The following BNC2 variants were observed in gnomAD, a reference collection of about 807,000 sequenced individuals.
The protein encoded by BNC2 is basonuclin zinc finger protein 2.
BNC2 carries 20 observed loss-of-function variants against 76.3 expected under a neutral mutation model. That is an observed-to-expected ratio of 0.26 (90% confidence interval 0.18 to 0.38). The LOEUF (loss-of-function observed/expected upper bound fraction) is 0.38. Among genes scored for constraint, BNC2 ranks in the 10% least tolerant of loss-of-function variants. The pLI is 1.00. For synonymous variants in BNC2, 582 were observed against 514.8 expected (o/e 1.13, Z -1.77); for missense variants, 1,382 against 1,399.8 (o/e 0.99, Z 0.20).
chr9:16,488,729 C>T (rs993533428), intron 5 of BNC2, among the ~76,000 whole-genome samples: 1 of 152,076 alleles, frequency 6.6e-6, no homozygotes, highest in African/African-American at 2.4e-5. Context: ...ATTCAGTTTG[C>T]CTGTCACTAG....
intron 1 of BNC2, among the ~76,000 whole-genome samples, chr9:16,743,804 A>G (rs1280401229): frequency 6.6e-6 from 1 of 152,216 alleles, no homozygotes; most frequent in Admixed American, 6.5e-5. Flanking sequence ...ATTCCATACC[A>G]AGTGAGTAAA....
intron 5 of BNC2, among the ~76,000 whole-genome samples, chr9:16,513,812 C>T (rs1822815823): frequency 6.6e-6 from 1 of 152,102 alleles, no homozygotes; most frequent in African/African-American, 2.4e-5. Flanking sequence ...ATTAGAGCTA[C>T]AGGTGAAATA....
At chr9:16,601,383 T>C (rs1364851192) in intron 3 of BNC2, among the ~76,000 whole-genome samples, 1 of 152,192 alleles carries the variant, frequency 6.6e-6, no homozygotes, top group Non-Finnish European at 1.5e-5. Flanking sequence ...GGCAGGGAAC[T>C]GTGCTGAGAT....
intron 5 of BNC2, among the ~76,000 whole-genome samples, chr9:16,518,683 C>T (rs1817518435): frequency 2.6e-5 from 4 of 152,076 alleles, no homozygotes; most frequent in African/African-American, 7.2e-5. Flanking sequence ...TCACTGCAAC[C>T]TCTGTCTCCC....
chr9:16,781,541 T>C (rs1586879524), intron 1 of BNC2, among the ~76,000 whole-genome samples: 1 of 152,238 alleles, frequency 6.6e-6, no homozygotes, highest in East Asian at 1.9e-4. Context: ...CGGGGTTTCG[T>C]TGTGTTGCCC....
intron 5 of BNC2, among the ~76,000 whole-genome samples, chr9:16,499,759 G>C (rs1218871380): frequency 6.6e-6 from 1 of 151,856 alleles, no homozygotes; most frequent in Non-Finnish European, 1.5e-5. Flanking sequence ...TTGAACTCCT[G>C]ACCTCAAGTG....
chr9:16,479,061 G>A (rs1210769833), intron 5 of BNC2, among the ~76,000 whole-genome samples: 2 of 152,108 alleles, frequency 1.3e-5, no homozygotes, highest in Non-Finnish European at 2.9e-5. Flanking sequence ...AGACCAGCCT[G>A]GTCAACATGG....
chr9:16,841,163 T>G (rs543572238), intron 1 of BNC2, among the ~76,000 whole-genome samples: 1 of 152,292 alleles, frequency 6.6e-6, no homozygotes, highest in East Asian at 1.9e-4. Flanking sequence ...CTGAAAGATA[T>G]CCACCGTTTT....
chr9:16,784,395 G>A (rs1052208858), intron 1 of BNC2, among the ~76,000 whole-genome samples: 3 of 152,108 alleles, frequency 2.0e-5, no homozygotes, highest in Admixed American at 6.6e-5. Flanking sequence ...AGTTTGGAGC[G>A]CTATACAAAT....
In BNC2 at chr9:16,613,017, C is replaced by T. The variant is rs1050076513; in HGVS notation, c.331-29932G>A. Among the ~76,000 whole-genome samples, 7 of 152,060 alleles carry T rather than the reference C, an allele frequency of 4.6e-5. No homozygotes were observed. The South Asian group carries it at 1.2e-3, about 27-fold the overall frequency. ...AGATGGACAAGTACTGCCAATGGTA[C>T]GGAGGTAAAGCAGCATGGGGCTTGT... is the stretch of plus-strand genomic sequence containing the variant. On this transcript the variant is annotated intron_variant, in intron 3 of 6. Coordinates refer to ENST00000380672, the MANE Select transcript of BNC2 (RefSeq NM_017637.6).
chr9:16,779,449 T>C (rs892591581), intron 1 of BNC2, among the ~76,000 whole-genome samples: 3 of 152,172 alleles, frequency 2.0e-5, no homozygotes, highest in Non-Finnish European at 2.9e-5. Context: ...ATAAGCTTAA[T>C]TCTAAACATA....
chr9:16,498,805 A>C (rs1385516079), intron 5 of BNC2, among the ~76,000 whole-genome samples: 1 of 152,152 alleles, frequency 6.6e-6, no homozygotes, highest in Non-Finnish European at 1.5e-5. Context: ...CCTGGATTCC[A>C]GGTCCAGCTC....
At chr9:16,596,287 G>T (rs1203297898) in intron 3 of BNC2, among the ~76,000 whole-genome samples, 1 of 152,054 alleles carries the variant, frequency 6.6e-6, no homozygotes, top group East Asian at 1.9e-4. Context: ...TATATTTTCT[G>T]AAGGAAAGCT....
At chr9:16,451,502 C>T (rs1383300426) in intron 5 of BNC2, among the ~76,000 whole-genome samples, 2 of 152,144 alleles carry the variant, frequency 1.3e-5, no homozygotes, top group Non-Finnish European at 2.9e-5. Context: ...CTGAAGTCCC[C>T]TCAATATAGA....
chr9:16,833,938 A>T (rs1014382017), intron 1 of BNC2, among the ~76,000 whole-genome samples: 1 of 152,074 alleles, frequency 6.6e-6, no homozygotes, highest in Non-Finnish European at 1.5e-5. Context: ...CCAATGTCCC[A>T]AGCAAGCTCT....
intron 1 of BNC2, among the ~76,000 whole-genome samples, chr9:16,843,424 G>A (rs1335045339): frequency 6.6e-6 from 1 of 152,122 alleles, no homozygotes; most frequent in Non-Finnish European, 1.5e-5. Context: ...TCCGCCTCCC[G>A]GGCTCAAGCC....
At chr9:16,653,772 G>T (rs890321456) in intron 3 of BNC2, among the ~76,000 whole-genome samples, 2 of 152,140 alleles carry the variant, frequency 1.3e-5, no homozygotes, top group East Asian at 1.9e-4. Flanking sequence ...ACAAAGAAAA[G>T]AATCAATACT....
At position 16,651,732 on chromosome 9, in the gene BNC2, A is replaced by G. The variant is rs575379035; in HGVS notation, c.331-68647T>C. Among the ~76,000 whole-genome samples, 12 of 152,362 alleles carry G rather than the reference A, an allele frequency of 7.9e-5. No individual in the cohort carries two copies. In the South Asian group the frequency reaches 2.5e-3, roughly 32 times the overall value. ...TTGGGTGCGTCTTCAAAAGACCTGC[A>G]TATGAGATAGTGATTTATGTCTCTG... is the stretch of plus-strand genomic sequence containing the variant. On this transcript the variant is annotated intron_variant, in intron 3 of 6. Coordinates refer to ENST00000380672, the MANE Select transcript of BNC2 (RefSeq NM_017637.6).
intron 3 of BNC2, among the ~76,000 whole-genome samples, chr9:16,599,644 C>T (rs1221534903): frequency 6.6e-5 from 10 of 152,170 alleles, no homozygotes; most frequent in African/African-American, 1.9e-4. Context: ...ATAAGCCAGG[C>T]GTGGTGGCAC....
Sources: allele counts gnomAD v4.1 joint callset (sites outside exome capture counted in the v4.1 genomes callset), GRCh38; gene constraint gnomAD v4.1.1; transcripts MANE v1.5; gene names NCBI Gene and HGNC (gene_info 2026-07-23, HGNC 2026-07-21).